Variants in EFCAB14 observed in about 807,000 individuals in gnomAD.
The protein encoded by EFCAB14 is EF-hand calcium-binding domain-containing protein 14.
A neutral mutation model predicts 56.5 loss-of-function variants in EFCAB14; 43 were observed. The ratio of observed to expected loss-of-function variants is 0.76; its 90% CI spans 0.60 to 0.98. EFCAB14 has a LOEUF of 0.98. Ranked by LOEUF, EFCAB14 falls within the 50% of genes least tolerant of loss-of-function variation. EFCAB14 has a pLI of 0.00. For synonymous variants in EFCAB14, 235 were observed against 212.9 expected, an observed-to-expected ratio of 1.10 and a Z score of -0.90; for missense variants, 538 against 580.3, an observed-to-expected ratio of 0.93 and a Z score of 0.75.
intron 2 of EFCAB14, among the ~76,000 whole-genome samples, chr1:46,712,415 AAAG>A (rs1438955348): frequency 6.6e-6 from 1 of 152,176 alleles, no homozygotes; most frequent in African/African-American, 2.4e-5. Context: ...GTTTTGGAAA[AAAG>A]AATACTGAGC....
chr1:46,696,629 T>G lies in EFCAB14; in HGVS notation c.501A>C (p.Ala167=), dbSNP rs778722430. The change falls in exon 4 of 11, where the codon GCA becomes GCC. Residue 167 remains alanine (A), a synonymous_variant. Transcript: ENST00000371933. The stretch of plus-strand genomic sequence containing the variant: ...TAACATTGGCTTTGAGGTGGTTCAC[T>G]GCAGAAGTCAACAGAGAAATCTGAA... ...MNKQISLLTS[A]VNHLKANVKS... The G allele has an allele frequency of 1.9e-6, 3 of 1,613,528 alleles. No individual in the cohort carries two copies. The South Asian group carries it at 3.3e-5, about 18-fold the overall frequency.
At chr1:46,704,268 T>G (rs972935197) in intron 3 of EFCAB14, among the ~76,000 whole-genome samples, 1 of 151,168 alleles carries the variant, frequency 6.6e-6, no homozygotes, top group Admixed American at 6.6e-5. Context: ...GCCTGGGAAA[T>G]AGTGAGACCC....
chr1:46,710,209 A>T (rs1227676836), intron 2 of EFCAB14, among the ~76,000 whole-genome samples: 2 of 151,296 alleles, frequency 1.3e-5, no homozygotes, highest in Admixed American at 1.3e-4. Context: ...CTTTAAAATT[A>T]AAAAAAAATT....
At chr1:46,699,511 G>A (rs1338936695) in intron 3 of EFCAB14, among the ~76,000 whole-genome samples, 1 of 152,144 alleles carries the variant, frequency 6.6e-6, no homozygotes, top group African/African-American at 2.4e-5. Flanking sequence ...GGCATTTGTT[G>A]AATGAATGGC....
At chr1:46,712,734 G>T (rs1024115278) in intron 2 of EFCAB14, among the ~76,000 whole-genome samples, 2 of 152,084 alleles carry the variant, frequency 1.3e-5, no homozygotes, top group Admixed American at 1.3e-4. Flanking sequence ...TAGGCAGGGC[G>T]TGGTGGCTCA....
At chr1:46,681,423 C>G (rs547157764) in intron 10 of EFCAB14, among the ~76,000 whole-genome samples, 21 of 152,304 alleles carry the variant, frequency 1.4e-4, no homozygotes, top group Middle Eastern at 3.4e-3. Context: ...AAATAGGCCT[C>G]TTGATGTTTG....
At chr1:46,702,029 G>A (rs1003536201) in intron 3 of EFCAB14, among the ~76,000 whole-genome samples, 1 of 152,226 alleles carries the variant, frequency 6.6e-6, no homozygotes, top group South Asian at 2.1e-4. Context: ...ATTCTAGAAT[G>A]TCAGATCAGA....
chr1:46,689,828 T>C (rs1676962496), intron 5 of EFCAB14, 137 bp from the exon 6 acceptor site: 4 of 754,218 alleles, frequency 5.3e-6, no homozygotes, highest in Admixed American at 2.3e-5. Flanking sequence ...CCAGGGAATG[T>C]ACAGGCTAAC....
intron 3 of EFCAB14, among the ~76,000 whole-genome samples, chr1:46,703,857 A>C (rs982470059): frequency 4.6e-5 from 7 of 152,244 alleles, no homozygotes; most frequent in African/African-American, 1.4e-4. Context: ...CAAAAGTGCC[A>C]CAAGTATAGA....
chr1:46,717,126 A>T lies in EFCAB14; in HGVS notation c.186-683T>A, dbSNP rs113985397. ...ACCCAGGATTGCCCTTAACAGCCTT[A>T]GCTGACAAAGCTCATTAGAAATCAA... On this transcript the variant is annotated intron_variant, in intron 1 of 10. Coordinates refer to ENST00000371933, the MANE Select transcript of EFCAB14 (RefSeq NM_014774.3). Among the ~76,000 whole-genome samples the T allele has an allele frequency of 3.3e-5, 5 of 152,360 alleles. 1 individual carries two copies. The highest frequency in any genetic ancestry group is 9.6e-5 in the African/African-American group (4 of 41,578).
At chr1:46,716,513 C>CTATTGCTAATAA in intron 1 of EFCAB14, 70 bp from the exon 2 acceptor site, 1 of 1,538,784 alleles carries the variant, frequency 6.5e-7, no homozygotes, top group Non-Finnish European at 8.9e-7. Context: ...AGCAATAGTA[C>CTATTGCTAATAA]ACGTTTTGCC....
intron 4 of EFCAB14, among the ~76,000 whole-genome samples, chr1:46,695,222 A>T (rs950803410): frequency 2.0e-5 from 3 of 152,134 alleles, no homozygotes; most frequent in African/African-American, 4.8e-5. Context: ...AAGTGTAATA[A>T]AAAAAAGAAT....
rs764350146 is a variant in EFCAB14 at position 46,689,740 on chromosome 1, C to A, written c.691-49G>T. The A allele has an allele frequency of 2.7e-6, 4 of 1,489,098 alleles. No homozygotes were observed. The African/African-American group carries it at 4.2e-5, about 15-fold the overall frequency. 92.2% of individuals were successfully genotyped at this position (1,489,098 alleles called of 1,614,324 possible). The stretch of plus-strand genomic sequence containing the variant: ...TGTAGGCAACAAGGAATTATTAGGT[C>A]TACTTAACTATCTGAGATTGTCCTA... On this transcript the variant is annotated intron_variant, in intron 5 of 10. Transcript: ENST00000371933.
chr1:46,713,019 A>C (rs980103807), intron 2 of EFCAB14, among the ~76,000 whole-genome samples: 1 of 151,930 alleles, frequency 6.6e-6, no homozygotes, highest in African/African-American at 2.4e-5. Flanking sequence ...CATCTCAAAA[A>C]CAACCAACCA....
Position 46,686,792 on chromosome 1 carries a change from T to C in EFCAB14, c.1066A>G (p.Ser356Gly). The change falls in exon 8 of 11, where the codon AGC becomes GGC. Residue 356 changes from serine (S) to glycine (G), a missense_variant. By Grantham distance (56) the Ser-to-Gly change is moderately conservative. Transcript: ENST00000371933. Reference protein sequence around the residue: ...TNRTDTVKIQSIKKEDSSNSQ... With the variant: ...TNRTDTVKIQGIKKEDSSNSQ... ...AGCCTCCCATTATTTACCTTTATGCTTTGGATTTTTACTGTATCTGTTCTG... is the reference window on the plus strand; with the variant it reads ...AGCCTCCCATTATTTACCTTTATGCCTTGGATTTTTACTGTATCTGTTCTG... The C allele has an allele frequency of 6.2e-7, 1 of 1,613,780 alleles. No individual in the cohort carries two copies. The highest frequency in any genetic ancestry group is 8.5e-7 in the Non-Finnish European group (1 of 1,179,804).
Position 46,691,856 on chromosome 1 carries a change from T to C in EFCAB14, c.661A>G (p.Lys221Glu). The change falls in exon 5 of 11, where the codon AAA (lysine) becomes GAA (glutamate). Residue 221 changes from lysine (K) to glutamate (E), a missense_variant. Physicochemically the swap from Lys to Glu is moderately conservative, Grantham distance 56. Coordinates refer to ENST00000371933, the MANE Select transcript of EFCAB14 (RefSeq NM_014774.3). ...TCACTCTGCAGTAATTCCATCGTTT[T>C]CTTGTGTTCATCCACAGTTTTCTGT... ...ALQKTVDEHK[K>E]TMELLQSDMN... 1 of 1,613,600 alleles carries C rather than the reference T, an allele frequency of 6.2e-7. No individual in the cohort carries two copies. The highest frequency in any genetic ancestry group is 8.5e-7 in the Non-Finnish European group (1 of 1,179,704).
chr1:46,694,702 A>G (rs551352490), intron 4 of EFCAB14, among the ~76,000 whole-genome samples: 14 of 152,200 alleles, frequency 9.2e-5, no homozygotes, highest in Non-Finnish European at 1.8e-4. Flanking sequence ...TAGAAATACC[A>G]TTTGACCCAG....
Position 46,704,899 on chromosome 1 carries a change from G to GT in EFCAB14, c.480+3006_480+3007insA, listed in dbSNP as rs1491451286. Among the ~76,000 whole-genome samples, 16 of 51,078 alleles carry GT rather than the reference G, an allele frequency of 3.1e-4. No homozygotes were observed. The Admixed American group carries it at 4.4e-3, about 14-fold the overall frequency. The allele number at this position is 51,078 out of a possible 152,430, so 33.5% of individuals were successfully genotyped here. On this transcript the variant is annotated intron_variant, in intron 3 of 10. Transcript: ENST00000371933. ...AACTTTTTTTTTTTTCAAACTAATG[G>GT]CTTTTTTTTCAGATTATATTAACTT... is the stretch of plus-strand genomic sequence containing the variant.
At chr1:46,692,105 T>G (rs547839065) in intron 4 of EFCAB14, 168 bp from the exon 5 acceptor site, 2 of 500,552 alleles carry the variant, frequency 4.0e-6, no homozygotes, top group South Asian at 6.4e-5. Context: ...GAAAGTTTCC[T>G]CATGACTCTC....
Sources: allele counts gnomAD v4.1 joint callset (sites outside exome capture counted in the v4.1 genomes callset), GRCh38; gene constraint gnomAD v4.1.1; transcripts MANE v1.5; gene names NCBI Gene and HGNC (gene_info 2026-07-23, HGNC 2026-07-21).